ULK4: variants seen among roughly 807,000 people sequenced by gnomAD.
The protein encoded by ULK4 is inactive serine/threonine-protein kinase ULK4.
In ULK4, 133 loss-of-function variants were observed where a neutral mutation model predicts 160.6. The observed-to-expected ratio is 0.83, with a 90% CI of 0.72 to 0.96. ULK4 has a LOEUF of 0.96. Among genes scored for constraint, ULK4 ranks in the 40% least tolerant of loss-of-function variants. The pLI, the probability that ULK4 is intolerant of heterozygous loss-of-function variation, is 0.00. For missense variants in ULK4, 1,580 were observed against 1,499.5 expected, an observed-to-expected ratio of 1.05 and a Z score of -0.89; for synonymous variants, 534 against 539.8, an observed-to-expected ratio of 0.99 and a Z score of 0.15.
intron 22 of ULK4, among the ~76,000 whole-genome samples, chr3:41,734,578 G>C (rs1425122341): frequency 6.6e-6 from 1 of 151,452 alleles, no homozygotes; most frequent in Non-Finnish European, 1.5e-5. Flanking sequence ...TGATGAAAGA[G>C]AAAAAAAAGA....
intron 35 of ULK4, among the ~76,000 whole-genome samples, chr3:41,328,435 AGTGGAGAGT>A (rs539332751): frequency 6.6e-6 from 1 of 152,154 alleles, no homozygotes; most frequent in Non-Finnish European, 1.5e-5. Context: ...AGACCAGAGG[AGTGGAGAGT>A]GTAGAAACCA....
At chr3:41,368,281 C>G (rs1052991638) in intron 35 of ULK4, among the ~76,000 whole-genome samples, 1 of 152,060 alleles carries the variant, frequency 6.6e-6, no homozygotes, top group Non-Finnish European at 1.5e-5. Flanking sequence ...AATCTCCTGA[C>G]CTCGTGATCC....
chr3:41,599,951 A>T (rs1455375197), intron 31 of ULK4, among the ~76,000 whole-genome samples: 1 of 152,206 alleles, frequency 6.6e-6, no homozygotes, highest in Non-Finnish European at 1.5e-5. Flanking sequence ...AATATTGCTT[A>T]ATATCTACAA....
chr3:41,589,702 A>T (rs991949346), intron 31 of ULK4, among the ~76,000 whole-genome samples: 1 of 152,196 alleles, frequency 6.6e-6, no homozygotes, highest in Non-Finnish European at 1.5e-5. Flanking sequence ...AATAATCTAA[A>T]AGTAACTTTA....
intron 22 of ULK4, among the ~76,000 whole-genome samples, chr3:41,720,453 C>T (rs114670893): frequency 0.012 from 1,743 of 151,182 alleles, 17 homozygotes; most frequent in Non-Finnish European, 0.019. Flanking sequence ...AAAAAAATAC[C>T]AGAAGCAAAA....
chr3:41,490,201 T>A (rs796641665), intron 32 of ULK4, among the ~76,000 whole-genome samples: 2 of 152,260 alleles, frequency 1.3e-5, no homozygotes, highest in African/African-American at 4.8e-5. Flanking sequence ...CTGATCTCCA[T>A]CACATGATTG....
chr3:41,655,206 G>GAT (rs1336331893), intron 30 of ULK4, among the ~76,000 whole-genome samples: 15 of 151,926 alleles, frequency 9.9e-5, no homozygotes, highest in African/African-American at 3.4e-4. Context: ...CCATAACAAG[G>GAT]ATGAGTTCAT....
At chr3:41,419,781 G>A (rs912354479) in intron 34 of ULK4, among the ~76,000 whole-genome samples, 1 of 152,040 alleles carries the variant, frequency 6.6e-6, no homozygotes, top group Non-Finnish European at 1.5e-5. Context: ...ACTGAGGAAG[G>A]GCATAAGAAG....
At position 41,539,308 on chromosome 3, in the gene ULK4, G is replaced by A. The variant is rs1345280868; in HGVS notation, c.3226+26717C>T. Among the ~76,000 whole-genome samples, 3 of 152,230 alleles carry A rather than the reference G, an allele frequency of 2.0e-5. No individual in the cohort carries two copies. The East Asian group carries it at 5.8e-4, about 29-fold the overall frequency. On this transcript the variant is annotated intron_variant, in intron 32 of 36. Transcript: ENST00000301831. ...ATGAATGGACATGTCTATGTTCCAA[G>A]AAAACTGTATTTGTAAAAAGCAGCA...
intron 30 of ULK4, among the ~76,000 whole-genome samples, chr3:41,653,084 T>A (rs922800465): frequency 3.4e-5 from 5 of 146,330 alleles, no homozygotes; most frequent in Non-Finnish European, 7.4e-5. Flanking sequence ...CCCAGCTAAT[T>A]CCTAGAGACA....
At chr3:41,598,967 TGTTTTCTTGCCTTTTCTAGTTTCTAGA>T (rs1301084997) in intron 31 of ULK4, among the ~76,000 whole-genome samples, 1 of 152,218 alleles carries the variant, frequency 6.6e-6, no homozygotes, top group Non-Finnish European at 1.5e-5. Context: ...GGGGAAAATC[TGTTTTCTTGCCTTTTCTAGTTTCTAGA>T]GGCAGCCTGC....
chr3:41,928,441 C>A (rs994184403), intron 5 of ULK4, among the ~76,000 whole-genome samples: 1 of 150,080 alleles, frequency 6.7e-6, no homozygotes, highest in Non-Finnish European at 1.5e-5. Flanking sequence ...ATTAAAAGAA[C>A]AAGAGAAGAG....
intron 16 of ULK4, among the ~76,000 whole-genome samples, chr3:41,889,632 C>T (rs1401134934): frequency 6.6e-6 from 1 of 152,132 alleles, no homozygotes; most frequent in African/African-American, 2.4e-5. Context: ...GTACAAGAAA[C>T]CCCCATGAGT....
chr3:41,730,273 A>C (rs1165273267), intron 22 of ULK4, among the ~76,000 whole-genome samples: 1 of 152,198 alleles, frequency 6.6e-6, no homozygotes, highest in Non-Finnish European at 1.5e-5. Flanking sequence ...CATTAGTAGA[A>C]GGAAAGAAGT....
chr3:41,636,903 C>CCG (rs1180033737), intron 30 of ULK4, among the ~76,000 whole-genome samples: 2 of 152,032 alleles, frequency 1.3e-5, no homozygotes, highest in African/African-American at 4.8e-5. Context: ...TTAATATATA[C>CCG]CGACAGTGTG....
At chr3:41,903,978 G>A (rs1421440123) in intron 12 of ULK4, among the ~76,000 whole-genome samples, 3 of 133,966 alleles carry the variant, frequency 2.2e-5, no homozygotes, top group Non-Finnish European at 4.8e-5. Flanking sequence ...CTCCAGCCTG[G>A]GCAAAAGGCT....
chr3:41,502,788 G>A (rs2085255174), intron 32 of ULK4, among the ~76,000 whole-genome samples: 2 of 152,172 alleles, frequency 1.3e-5, no homozygotes, highest in African/African-American at 2.4e-5. Flanking sequence ...GGAAGTGGGA[G>A]GGGTTGAGGG....
At chr3:41,644,587 C>T (rs996321758) in intron 30 of ULK4, among the ~76,000 whole-genome samples, 47 of 151,068 alleles carry the variant, frequency 3.1e-4, no homozygotes, top group Admixed American at 6.6e-4. Context: ...CTGCTGGATT[C>T]GGTTTGCCAG....
At chr3:41,684,332 T>C (rs1226694558) in intron 27 of ULK4, among the ~76,000 whole-genome samples, 1 of 152,258 alleles carries the variant, frequency 6.6e-6, no homozygotes, top group African/African-American at 2.4e-5. Flanking sequence ...TCAAGGTCTA[T>C]GACCCCTATA....
Sources: allele counts gnomAD v4.1 joint callset (sites outside exome capture counted in the v4.1 genomes callset), GRCh38; gene constraint gnomAD v4.1.1; transcripts MANE v1.5; gene names NCBI Gene and HGNC (gene_info 2026-07-23, HGNC 2026-07-21).